The following TLR8 variants were observed in gnomAD, a reference collection of about 807,000 sequenced individuals.
TLR8 encodes the protein toll like receptor 8, also known as toll-like receptor 8.
In TLR8, 5 loss-of-function variants were observed where a neutral mutation model predicts 18.5. The ratio of observed to expected loss-of-function variants is 0.27; its 90% CI spans 0.14 to 0.57. TLR8 has a LOEUF of 0.57. Ranked by LOEUF, TLR8 falls within the 20% of genes least tolerant of loss-of-function variation. TLR8 has a pLI of 0.92. For missense variants in TLR8, 543 were observed against 769.8 expected (o/e 0.71, Z 3.49); for synonymous variants, 299 against 300.1 (o/e 1.00, Z 0.04).
chrX:12,920,660 T>C lies in TLR8; in HGVS notation c.1620T>C (p.Asn540=), dbSNP rs2043087820. ...PHVKYLDLTN[N]RLDFDNASAL... Reference sequence around the variant, plus strand: ...TCAAATATTTGGATTTGACAAACAATAGACTAGACTTTGATAATGCTAGTG... The same window carrying C: ...TCAAATATTTGGATTTGACAAACAACAGACTAGACTTTGATAATGCTAGTG... Residue 540 remains asparagine (N), a synonymous_variant, in exon 2 of 2, where the codon AAT becomes AAC. Coordinates refer to ENST00000218032, the MANE Select transcript of TLR8 (RefSeq NM_138636.5). The C allele has an allele frequency of 3.3e-6, 4 of 1,211,290 alleles. No individual in the cohort carries two copies. Among genetic ancestry groups the C allele is most frequent in the African/African-American group, 1.7e-5 (1 of 57,943 alleles).
At chrX:12,908,519 G>A (rs1218841090) in intron 1 of TLR8, among the ~76,000 whole-genome samples, 1 of 112,754 alleles carries the variant, frequency 8.9e-6, no homozygotes, top group Non-Finnish European at 1.9e-5. Flanking sequence ...AAATCAGAGG[G>A]GGAGCTTTCA....
Position 12,919,122 on chromosome X carries a change from G to C in TLR8, c.82G>C (p.Glu28Gln). The C allele has an allele frequency of 2.5e-6, 3 of 1,211,832 alleles. No homozygotes were observed. The highest frequency in any genetic ancestry group is 2.2e-5 in the Admixed American group (1 of 46,034). ...TGGTTCCTGTGAGTTATGCGCCGAA[G>C]AAAATTTTTCTAGAAGCTATCCTTG... ...ISGSCELCAEENFSRSYPCDE... is the reference protein window; with the variant it reads ...ISGSCELCAEQNFSRSYPCDE... Residue 28 changes from glutamate to glutamine, a missense_variant, in exon 2 of 2, where the codon GAA (glutamate) becomes CAA (glutamine). This residue lies in a region of TLR8 where 117 missense variants were observed against 111.0 expected (regional missense o/e 1.05). Transcript: ENST00000218032.
Position 12,921,503 on chromosome X carries a change from T to A in TLR8, c.2463T>A (p.Thr821=). 1.2e-5 allele frequency: 15 copies of A among 1,211,323 alleles called. No individual in the cohort carries two copies. Among genetic ancestry groups the A allele is most frequent in the Non-Finnish European group, 1.7e-5 (15 of 895,041 alleles). The change falls in exon 2 of 2, where the codon ACT becomes ACA. Residue 821 remains threonine (T), a synonymous_variant. Transcript: ENST00000218032. The stretch of plus-strand genomic sequence containing the variant: ...GTATTGTGAGTCTGGAGCTAACAAC[T>A]TGTGTTTCAGATGTCACTGCAGTGA... ...GKSIVSLELT[T]CVSDVTAVIL...
Position 12,921,546 on chromosome X carries a change from T to C in TLR8, c.2506T>C (p.Phe836Leu). The change falls in exon 2 of 2, where the codon TTC becomes CTC. Residue 836 changes from phenylalanine to leucine, a missense_variant. Phe to Leu is a conservative substitution (Grantham distance 22). Coordinates refer to ENST00000218032, the MANE Select transcript of TLR8 (RefSeq NM_138636.5). ...TGCAGTGATATTATTTTTCTTCACG[T>C]TCTTTATCACCACCATGGTTATGTT... ...VTAVILFFFT[F>L]FITTMVMLAA... 8.3e-7 allele frequency: 1 copy of C among 1,211,996 alleles called. No homozygotes were observed. Among genetic ancestry groups the C allele is most frequent in the Non-Finnish European group, 1.1e-6 (1 of 895,527 alleles).
chrX:12,915,994 G>A (rs1405187640), intron 1 of TLR8, among the ~76,000 whole-genome samples: 1 of 110,349 alleles, frequency 9.1e-6, no homozygotes, highest in Non-Finnish European at 1.9e-5. Context: ...TGATTCTCCT[G>A]CCTCAACCTC....
Position 12,910,322 on chromosome X carries a change from A to G in TLR8, c.3+3613A>G, listed in dbSNP as rs777092674. 1.6e-4 allele frequency: 185 copies of G among 1,154,570 alleles called. No individual in the cohort carries two copies. The South Asian group carries it at 3.1e-3, about 20-fold the overall frequency. On this transcript the variant is annotated intron_variant, in intron 1 of 1. Transcript: ENST00000218032. ...AATCAATAGGTTCTCTTGACACTTC[A>G]GTGTTAGGGAACATCAGCAAGACCC...
chrX:12,916,069 C>G (rs1182270833), intron 1 of TLR8, among the ~76,000 whole-genome samples: 3 of 110,681 alleles, frequency 2.7e-5, no homozygotes, highest in Non-Finnish European at 5.7e-5. Context: ...TTAGTAGAGA[C>G]AGTGTTTCTC....
In TLR8 at chrX:12,920,170, A is replaced by G; in HGVS notation, c.1130A>G (p.Tyr377Cys). ...LSLRALHLRGYVFQELREDDF... is the reference protein window; with the variant it reads ...LSLRALHLRGCVFQELREDDF... Reference sequence around the variant, plus strand: ...CTACGGGCATTGCATTTAAGAGGTTATGTGTTCCAGGAACTCAGAGAAGAT... The same window carrying G: ...CTACGGGCATTGCATTTAAGAGGTTGTGTGTTCCAGGAACTCAGAGAAGAT... Residue 377 changes from tyrosine to cysteine, a missense_variant, in exon 2 of 2, where the codon TAT becomes TGT. By Grantham distance (194) the Tyr-to-Cys change is radical. Coordinates refer to ENST00000218032, the MANE Select transcript of TLR8 (RefSeq NM_138636.5). 8.3e-7 allele frequency: 1 copy of G among 1,211,365 alleles called. No individual in the cohort carries two copies. The highest frequency in any genetic ancestry group is 1.1e-6 in the Non-Finnish European group (1 of 895,165).
At chrX:12,907,115 A>G (rs1370230901) in intron 1 of TLR8, among the ~76,000 whole-genome samples, 1 of 112,595 alleles carries the variant, frequency 8.9e-6, no homozygotes, top group Non-Finnish European at 1.9e-5. Context: ...AGAAAAGGAC[A>G]AACTCTCTTC....
chrX:12,906,697 C>A lies in TLR8; in HGVS notation c.-10C>A. 1 of 1,113,777 alleles carries A rather than the reference C, an allele frequency of 9.0e-7. No individual in the cohort carries two copies. The highest frequency in any genetic ancestry group is 1.2e-6 in the Non-Finnish European group (1 of 852,360). 91.8% of individuals were successfully genotyped at this position (1,113,777 alleles called of 1,213,427 possible). A position where few individuals can be genotyped will look rare whatever the true frequency, so the allele number is the denominator to read the frequency against. ...CAAGTTACGGAATGAAAAATTAGAA[C>A]AACAGAAACATGGTAAGCCACTTCT... is the stretch of plus-strand genomic sequence containing the variant. On this transcript the variant is annotated 5_prime_UTR_variant, in exon 1 of 2. Transcript: ENST00000218032.
chrX:12,920,175 T>C lies in TLR8; in HGVS notation c.1135T>C (p.Phe379Leu). 1 of 1,211,137 alleles carries C rather than the reference T, an allele frequency of 8.3e-7. No individual in the cohort carries two copies. Among genetic ancestry groups the C allele is most frequent in the Non-Finnish European group, 1.1e-6 (1 of 895,016 alleles). ...GGCATTGCATTTAAGAGGTTATGTG[T>C]TCCAGGAACTCAGAGAAGATGATTT... The part of the protein sequence containing the change: ...LRALHLRGYV[F>L]QELREDDFQP... Residue 379 changes from phenylalanine (F) to leucine (L), a missense_variant, in exon 2 of 2, where the codon TTC becomes CTC. By Grantham distance (22) the Phe-to-Leu change is conservative. Around this residue, in one of 4 missense-constraint regions of TLR8, gnomAD observed 185 missense variants for 298.9 expected, o/e 0.62. Transcript: ENST00000218032.
chrX:12,913,617 C>T (rs192163599), intron 1 of TLR8, among the ~76,000 whole-genome samples: 3 of 112,578 alleles, frequency 2.7e-5, no homozygotes, highest in East Asian at 2.8e-4. Flanking sequence ...AGATTATTTC[C>T]GGTCTTTTGC....
At chrX:12,911,348 G>C (rs183274858) in intron 1 of TLR8, among the ~76,000 whole-genome samples, 48 of 111,903 alleles carry the variant, frequency 4.3e-4, no homozygotes, top group Admixed American at 4.2e-3. Context: ...GGGAAAATCT[G>C]TTTCATGCTC....
rs1312839643 is a variant in TLR8, at chrX:12,922,944, T to C, written c.*778T>C. ...GCTACATGGTTATATTATGCTGTGG[T>C]TGCGTTCGGTTTTATTTACAGTTGC... is the stretch of plus-strand genomic sequence containing the variant. On this transcript the variant is annotated 3_prime_UTR_variant, in exon 2 of 2. Coordinates refer to ENST00000218032, the MANE Select transcript of TLR8 (RefSeq NM_138636.5). 1 of 112,386 alleles carries C rather than the reference T, an allele frequency of 8.9e-6. No individual in the cohort carries two copies. The highest frequency in any genetic ancestry group is 1.9e-5 in the Non-Finnish European group (1 of 53,301). The allele number at this position is 112,386 out of a possible 1,213,427, so 9.3% of individuals were successfully genotyped here. A position where few individuals can be genotyped will look rare whatever the true frequency, so the allele number is the denominator to read the frequency against.
chrX:12,920,591 T>C lies in TLR8; in HGVS notation c.1551T>C (p.Asn517=), dbSNP rs775055165. ...IACLNLSANS[N]AQVLSGTEFS... ...GTTTAAATCTGTCTGCAAATAGCAA[T>C]GCTCAAGTGTTAAGTGGAACTGAAT... Residue 517 remains asparagine (N), a synonymous_variant, in exon 2 of 2, where the codon AAT becomes AAC. Coordinates refer to ENST00000218032, the MANE Select transcript of TLR8 (RefSeq NM_138636.5). The C allele has an allele frequency of 3.3e-6, 4 of 1,210,641 alleles. No homozygotes were observed. Among genetic ancestry groups the C allele is most frequent in the Admixed American group, 4.4e-5 (2 of 45,825 alleles).
intron 1 of TLR8, among the ~76,000 whole-genome samples, chrX:12,916,199 C>T (rs1239205837): frequency 1.8e-5 from 2 of 112,042 alleles, no homozygotes; most frequent in East Asian, 5.5e-4. Flanking sequence ...GTCCCCTCTT[C>T]TTAGGCTCTT....
rs149091458 is a variant in TLR8 at position 12,921,582 on chromosome X, G to A, written c.2542G>A (p.Ala848Thr). 29 of 1,210,015 alleles carry A rather than the reference G, an allele frequency of 2.4e-5. No individual in the cohort carries two copies. The highest frequency in any genetic ancestry group is 3.1e-5 in the Non-Finnish European group (28 of 895,154). The change falls in exon 2 of 2, where the codon GCT (alanine) becomes ACT (threonine). Residue 848 changes from alanine (A) to threonine (T), a missense_variant. Transcript: ENST00000218032. ...ITTMVMLAAL[A>T]HHLFYWDVWF... ...CACCATGGTTATGTTGGCTGCCCTGGCTCACCATTTGTTTTACTGGGATGT... is the reference window on the plus strand; with the variant it reads ...CACCATGGTTATGTTGGCTGCCCTGACTCACCATTTGTTTTACTGGGATGT...
rs369141336 is a variant in TLR8, at chrX:12,921,923, C to T, written c.2883C>T (p.Tyr961=). ...AKSWNFKTAF[Y]LALQRLMDEN... ...GCTGGAACTTTAAAACAGCTTTTTA[C>T]TTGGCTTTGCAGAGGCTAATGGATG... Residue 961 remains tyrosine (Y), a synonymous_variant, in exon 2 of 2, where the codon TAC becomes TAT. Coordinates refer to ENST00000218032, the MANE Select transcript of TLR8 (RefSeq NM_138636.5). 1 of 1,211,190 alleles carries T rather than the reference C, an allele frequency of 8.3e-7. No homozygotes were observed. The highest frequency in any genetic ancestry group is 1.1e-6 in the Non-Finnish European group (1 of 895,369).
Position 12,919,859 on chromosome X carries a change from T to C in TLR8, c.819T>C (p.Gly273=). The C allele has an allele frequency of 8.3e-7, 1 of 1,211,658 alleles. No homozygotes were observed. The highest frequency in any genetic ancestry group is 1.7e-5 in the African/African-American group (1 of 57,791). The change falls in exon 2 of 2, where the codon GGT becomes GGC. Residue 273 remains glycine (G), a synonymous_variant. Coordinates refer to ENST00000218032, the MANE Select transcript of TLR8 (RefSeq NM_138636.5). Reference sequence around the variant, plus strand: ...TTCCATGCGTGCCTTGTGATGGTGGTGCTTCAATTAATATAGATCGTTTTG... The same window carrying C: ...TTCCATGCGTGCCTTGTGATGGTGGCGCTTCAATTAATATAGATCGTTTTG... ...APFPCVPCDG[G]ASINIDRFAF...
Sources: gnomAD v4.1 joint callset for allele counts (sites outside exome capture counted in the v4.1 genomes callset) on GRCh38, gnomAD v4.1.1 for gene constraint, gnomAD v4.1.1 regional missense constraint, MANE v1.5 for transcripts, NCBI Gene and HGNC (gene_info 2026-07-23, HGNC 2026-07-21) for gene names.